Variants in KMT2C observed in about 807,000 individuals in gnomAD.
KMT2C encodes the protein histone-lysine N-methyltransferase 2C.
A neutral mutation model predicts 507.9 loss-of-function variants in KMT2C; 88 were observed. The ratio of observed to expected loss-of-function variants is 0.17; its 90% confidence interval spans 0.15 to 0.21. KMT2C has a LOEUF of 0.21. KMT2C is among the 10% of genes least tolerant of loss of function. KMT2C has a pLI of 1.00. For missense variants in KMT2C, 4,954 were observed against 5,957.8 expected (o/e 0.83, Z 5.55); for synonymous variants, 2,049 against 2,080.8 (o/e 0.98, Z 0.42).
rs61730535 is a variant in KMT2C at position 152,199,398 on chromosome 7, T to C, written c.4154A>G (p.Asn1385Ser). Reference sequence around the variant, plus strand: ...AAGCTGAGCTCCATCTTCTGACAGATTATCTAAACTTATCTTGCTTTGTCT... The same window carrying C: ...AAGCTGAGCTCCATCTTCTGACAGACTATCTAAACTTATCTTGCTTTGTCT... ...TSRQSKISLD[N>S]LSEDGAQLLY... Residue 1385 changes from asparagine to serine, a missense_variant, in exon 27 of 59, where the codon AAT (asparagine) becomes AGT (serine). By Grantham distance (46) the Asn-to-Ser change is conservative. This residue lies in a region of KMT2C where 140 missense variants were observed against 118.4 expected (regional missense o/e 1.18). Coordinates refer to ENST00000262189, the MANE Select transcript of KMT2C (RefSeq NM_170606.3). 9.6e-5 allele frequency: 153 copies of C among 1,594,732 alleles called. No homozygotes were observed. In the Middle Eastern group the frequency reaches 1.7e-3, roughly 17 times the overall value.
rs761335251 is a variant in KMT2C at position 152,177,441 on chromosome 7, G to A, written c.8012C>T (p.Thr2671Met). The A allele has an allele frequency of 1.5e-5, 24 of 1,613,952 alleles. No individual in the cohort carries two copies. The highest frequency in any genetic ancestry group is 1.1e-4 in the East Asian group (5 of 44,890). The change falls in exon 38 of 59, where the codon ACG becomes ATG. Residue 2671 changes from threonine (T) to methionine (M), a missense_variant. Coordinates refer to ENST00000262189, the MANE Select transcript of KMT2C (RefSeq NM_170606.3). The part of the protein sequence containing the change: ...PLSTSVPSET[T>M]SDNLQITTQP... ...GGTGGTTATCTGTAAATTATCAGAC[G>A]TTGTTTCAGACGGTACAGATGTTGA...
Position 152,323,238 on chromosome 7 carries a change from G to A in KMT2C, c.389+7363C>T, listed in dbSNP as rs1318084757. 2.0e-5 allele frequency among the ~76,000 whole-genome samples: 3 copies of A among 151,980 alleles called. No individual in the cohort carries two copies. In the East Asian group the frequency reaches 5.8e-4, roughly 29 times the overall value. ...TATCTGCATGCCCATGCTTACTACA[G>A]CATTACTTACAATAGCCAGATATGG... On this transcript the variant is annotated intron_variant, in intron 3 of 58. Coordinates refer to ENST00000262189, the MANE Select transcript of KMT2C (RefSeq NM_170606.3).
intron 2 of KMT2C, among the ~76,000 whole-genome samples, chr7:152,354,844 T>TG (rs2097140139): frequency 6.6e-6 from 1 of 152,198 alleles, no homozygotes; most frequent in African/African-American, 2.4e-5. Context: ...ACAATGGTAC[T>TG]GCATGAACTT....
rs2094332277 is a variant in KMT2C at position 152,207,198 on chromosome 7, T to C, written c.3841+102A>G. ...GCACATATTTTTGTTTAGACAGTTC[T>C]GAAGCCTGAATATTTAATTTTAATT... On this transcript the variant is annotated intron_variant, in intron 24 of 58. Transcript: ENST00000262189. 11 of 1,160,702 alleles carry C rather than the reference T, an allele frequency of 9.5e-6. No homozygotes were observed. In the South Asian group the frequency reaches 1.6e-4, roughly 17 times the overall value. 71.9% of individuals were successfully genotyped at this position (1,160,702 alleles called of 1,614,324 possible).
At position 152,297,039 on chromosome 7, in the gene KMT2C, A is replaced by C. The variant is rs10259962; in HGVS notation, c.849+12927T>G. Among the ~76,000 whole-genome samples, 81 of 93,248 alleles carry C rather than the reference A, an allele frequency of 8.7e-4. 2 individuals are homozygous for C. Among genetic ancestry groups the C allele is most frequent in the African/African-American group, 2.5e-3 (48 of 19,552 alleles). The allele number at this position is 93,248 out of a possible 152,430, so 61.2% of individuals were successfully genotyped here. A position where few individuals can be genotyped will look rare whatever the true frequency, so the allele number is the denominator to read the frequency against. On this transcript the variant is annotated intron_variant, in intron 6 of 58. Transcript: ENST00000262189. ...AAAGAAAGAAAGAAAGAAAGAAAGA[A>C]AGAAAGAAAGAAAGACAGAGAGAGA...
intron 2 of KMT2C, among the ~76,000 whole-genome samples, chr7:152,356,648 T>TGGGAGGGCAAGGCAGGTGGATC (rs1370664295): frequency 6.6e-6 from 1 of 151,424 alleles, no homozygotes; most frequent in Non-Finnish European, 1.5e-5. Context: ...CTCAGCACTT[T>TGGGAGGGCAAGGCAGGTGGATC]GGGAGGGCAA....
chr7:152,312,026 C>T lies in KMT2C; in HGVS notation c.591-80G>A. 4 of 1,093,110 alleles carry T rather than the reference C, an allele frequency of 3.7e-6. No individual in the cohort carries two copies. In the South Asian group the frequency reaches 7.6e-5, roughly 21 times the overall value. The allele number at this position is 1,093,110 out of a possible 1,614,324, so 67.7% of individuals were successfully genotyped here. A position where few individuals can be genotyped will look rare whatever the true frequency, so the allele number is the denominator to read the frequency against. On this transcript the variant is annotated intron_variant, in intron 4 of 58. Coordinates refer to ENST00000262189, the MANE Select transcript of KMT2C (RefSeq NM_170606.3). Reference sequence around the variant, plus strand: ...TTTTTAACTGTTTAAATGCAATGTACTGCCAAATCAATTTTAATTTATCAG... The same window carrying T: ...TTTTTAACTGTTTAAATGCAATGTATTGCCAAATCAATTTTAATTTATCAG...
chr7:152,211,824 G>A (rs796674412), intron 23 of KMT2C, among the ~76,000 whole-genome samples: 20 of 151,874 alleles, frequency 1.3e-4, no homozygotes, highest in African/African-American at 3.4e-4. Flanking sequence ...TGAGGCGGGC[G>A]GATCACGAGG....
chr7:152,381,712 A>G (rs2097375594), intron 1 of KMT2C, among the ~76,000 whole-genome samples: 1 of 152,268 alleles, frequency 6.6e-6, no homozygotes, highest in Non-Finnish European at 1.5e-5. Flanking sequence ...ATTTTACAAT[A>G]TAACTTTTAG....
At position 152,181,881 on chromosome 7, in the gene KMT2C, T is replaced by G; in HGVS notation, c.5979A>C (p.Gln1993His). ...CAGCTGCTATAGGGCCTTTTGCAGT[T>G]TGTTCTGAAACTACAGGAGACCGGG... ...GLSRSPVVSE[Q>H]TAKGPIAAGT... The change falls in exon 36 of 59, where the codon CAA (glutamine) becomes CAC (histidine). Residue 1993 changes from glutamine (Q) to histidine (H), a missense_variant. By Grantham distance (24) the Gln-to-His change is conservative (BLOSUM62 0). Coordinates refer to ENST00000262189, the MANE Select transcript of KMT2C (RefSeq NM_170606.3). 1 of 1,614,198 alleles carries G rather than the reference T, an allele frequency of 6.2e-7. No individual in the cohort carries two copies.
chr7:152,352,992 T>C (rs2129227266), intron 2 of KMT2C, among the ~76,000 whole-genome samples: 1 of 152,278 alleles, frequency 6.6e-6, no homozygotes, highest in Middle Eastern at 3.4e-3. Flanking sequence ...TGAAAACAAG[T>C]TTGCAAAGAC....
chr7:152,164,374 C>A (rs1563210676), intron 42 of KMT2C, among the ~76,000 whole-genome samples: 1 of 151,270 alleles, frequency 6.6e-6, no homozygotes, highest in Non-Finnish European at 1.5e-5. Context: ...ACTGCAAGCT[C>A]CGCCTCCCGG....
Position 152,135,995 on chromosome 7 carries a change from A to T in KMT2C, c.*837T>A, listed in dbSNP as rs989190662. On this transcript the variant is annotated 3_prime_UTR_variant, in exon 59 of 59. Coordinates refer to ENST00000262189, the MANE Select transcript of KMT2C (RefSeq NM_170606.3). ...CCTATGAACATTTTATAAGCCCCCG[A>T]GCTGCTGCAGAGCCTGGTAGCATTT... is the stretch of plus-strand genomic sequence containing the variant. 1 of 226,260 alleles carries T rather than the reference A, an allele frequency of 4.4e-6. No individual in the cohort carries two copies. Among genetic ancestry groups the T allele is most frequent in the African/African-American group, 2.2e-5 (1 of 44,980 alleles). The allele number at this position is 226,260 out of a possible 1,614,324, so 14.0% of individuals were successfully genotyped here. A position where few individuals can be genotyped will look rare whatever the true frequency, so the allele number is the denominator to read the frequency against.
intron 3 of KMT2C, among the ~76,000 whole-genome samples, chr7:152,325,653 T>A (rs2096821662): frequency 6.6e-6 from 1 of 151,878 alleles, no homozygotes; most frequent in South Asian, 2.1e-4. Context: ...CATGTTCAAG[T>A]CAGGCTGGTC....
At chr7:152,316,677 T>TA (rs1248948573) in intron 3 of KMT2C, among the ~76,000 whole-genome samples, 3 of 152,228 alleles carry the variant, frequency 2.0e-5, no homozygotes, top group African/African-American at 7.2e-5. Flanking sequence ...GGTGACTTTT[T>TA]AAAACTTAGG....
At chr7:152,256,744 C>A (rs1186414354) in intron 9 of KMT2C, among the ~76,000 whole-genome samples, 3 of 152,060 alleles carry the variant, frequency 2.0e-5, no homozygotes, top group African/African-American at 4.8e-5. Context: ...AAAACTGACC[C>A]TTAAACACAT....
intron 1 of KMT2C, among the ~76,000 whole-genome samples, chr7:152,401,415 G>A (rs565613316): frequency 1.3e-5 from 2 of 151,568 alleles, no homozygotes; most frequent in Admixed American, 1.3e-4. Context: ...TACCGGCCAG[G>A]TGCAGTGGCT....
intron 40 of KMT2C, 123 bp from the exon 41 acceptor site, chr7:152,169,372 C>A (rs2092862173): frequency 1.6e-6 from 1 of 634,888 alleles, no homozygotes; most frequent in Non-Finnish European, 2.7e-6. Flanking sequence ...CCTAAGATAT[C>A]TTTTAAAGGT....
intron 2 of KMT2C, among the ~76,000 whole-genome samples, chr7:152,354,061 G>A (rs1462295135): frequency 6.6e-6 from 1 of 152,012 alleles, no homozygotes; most frequent in African/African-American, 2.4e-5. Flanking sequence ...TAAAAGAAGT[G>A]GACAATGGAC....
Sources: allele counts gnomAD v4.1 joint callset (sites outside exome capture counted in the v4.1 genomes callset), GRCh38; gene constraint gnomAD v4.1.1; regional missense constraint gnomAD v4.1.1; transcripts MANE v1.5; gene names NCBI Gene and HGNC (gene_info 2026-07-23, HGNC 2026-07-21).